The following FHIT variants were observed in gnomAD, a reference collection of about 807,000 sequenced individuals.
FHIT encodes bis(5'-adenosyl)-triphosphatase.
FHIT carries 19 observed loss-of-function variants against 17.9 expected under a neutral mutation model. That is an observed-to-expected ratio of 1.06 (90% confidence interval 0.74 to 1.56). The LOEUF is 1.56. Ranked by LOEUF, FHIT falls within the 40% of genes most tolerant of loss-of-function variation. The probability of loss-of-function intolerance (pLI) is 0.00; values close to 1 mark genes in which losing one functional copy is unlikely to be tolerated. For synonymous variants in FHIT, 81 were observed against 69.7 expected, an observed-to-expected ratio of 1.16 and a Z score of -0.81; for missense variants, 248 against 189.2, an observed-to-expected ratio of 1.31 and a Z score of -1.82.
chr3:60,680,245 T>G (rs1291458715), intron 4 of FHIT, among the ~76,000 whole-genome samples: 2 of 152,190 alleles, frequency 1.3e-5, no homozygotes, highest in African/African-American at 2.4e-5. Context: ...TTTTGACAAT[T>G]GGATAGATGT....
At chr3:60,520,907 A>C (rs763127098) in intron 5 of FHIT, among the ~76,000 whole-genome samples, 6 of 152,166 alleles carry the variant, frequency 3.9e-5, no homozygotes, top group Non-Finnish European at 8.8e-5. Context: ...CAGTAGAAAT[A>C]ATAAAGGTGA....
chr3:59,801,939 CT>C (rs1372548308), intron 8 of FHIT, among the ~76,000 whole-genome samples: 1 of 152,218 alleles, frequency 6.6e-6, no homozygotes, highest in African/African-American at 2.4e-5. Context: ...AATGTTCACA[CT>C]CTCTCATTTA....
chr3:60,456,011 C>T (rs1329400780), intron 5 of FHIT, among the ~76,000 whole-genome samples: 1 of 152,092 alleles, frequency 6.6e-6, no homozygotes, highest in Non-Finnish European at 1.5e-5. Context: ...TTAACTAGCC[C>T]ATTAATCCAA....
chr3:60,245,491 TA>T (rs1394068568), intron 5 of FHIT, among the ~76,000 whole-genome samples: 2 of 152,074 alleles, frequency 1.3e-5, no homozygotes, highest in Non-Finnish European at 2.9e-5. Flanking sequence ...AATAAGCTCA[TA>T]AAGTTAATCA....
chr3:59,785,870 T>C (rs1195568661), intron 8 of FHIT, among the ~76,000 whole-genome samples: 5 of 152,254 alleles, frequency 3.3e-5, no homozygotes, highest in Admixed American at 1.3e-4. Context: ...ATGCAATCTT[T>C]GGAGTTTGAT....
intron 5 of FHIT, among the ~76,000 whole-genome samples, chr3:60,535,042 G>A (rs1222735912): frequency 6.6e-6 from 1 of 152,108 alleles, no homozygotes; most frequent in Non-Finnish European, 1.5e-5. Flanking sequence ...TGGCCAACAT[G>A]GCAAAACCCC....
intron 3 of FHIT, among the ~76,000 whole-genome samples, chr3:60,959,785 T>C (rs896671313): frequency 6.7e-6 from 1 of 150,320 alleles, no homozygotes; most frequent in Non-Finnish European, 1.5e-5. Flanking sequence ...GATGGGAGAA[T>C]CAGGAGAGGC....
intron 4 of FHIT, among the ~76,000 whole-genome samples, chr3:60,727,379 G>C (rs1012017470): frequency 5.9e-5 from 9 of 152,066 alleles, no homozygotes; most frequent in African/African-American, 1.9e-4. Flanking sequence ...TTTTAACTGA[G>C]ATAAACAAGA....
intron 2 of FHIT, among the ~76,000 whole-genome samples, chr3:61,134,276 C>A (rs1394823227): frequency 6.6e-6 from 1 of 152,056 alleles, no homozygotes; most frequent in Admixed American, 6.6e-5. Context: ...CAAGAGATCC[C>A]AAACTCCCAA....
chr3:60,420,901 C>G, intron 5 of FHIT, among the ~76,000 whole-genome samples: 1 of 152,104 alleles, frequency 6.6e-6, no homozygotes, highest in Non-Finnish European at 1.5e-5. Context: ...CATCTCTCCA[C>G]CCCACATCGT....
chr3:61,003,830 G>A (rs1232648299), intron 3 of FHIT, among the ~76,000 whole-genome samples: 2 of 152,218 alleles, frequency 1.3e-5, no homozygotes, highest in Non-Finnish European at 2.9e-5. Flanking sequence ...TATAGCAGAT[G>A]CTAAAGAAGA....
intron 5 of FHIT, among the ~76,000 whole-genome samples, chr3:60,087,015 T>C (rs1436632745): frequency 1.3e-5 from 2 of 152,130 alleles, no homozygotes; most frequent in Admixed American, 1.3e-4. Context: ...TAAAATCCTC[T>C]GAAATCTATG....
intron 4 of FHIT, among the ~76,000 whole-genome samples, chr3:60,572,761 C>A (rs1390777487): frequency 6.6e-6 from 1 of 152,120 alleles, no homozygotes; most frequent in Non-Finnish European, 1.5e-5. Context: ...TTCATCACAT[C>A]ATTTCTTTTG....
At chr3:61,224,147 T>C (rs2039907564) in intron 1 of FHIT, among the ~76,000 whole-genome samples, 1 of 152,188 alleles carries the variant, frequency 6.6e-6, no homozygotes, top group South Asian at 2.1e-4. Flanking sequence ...GTAAGGTCAG[T>C]GAAAAACAAT....
rs116172235 is a variant in FHIT at position 59,977,439 on chromosome 3, C to T, written c.279+33932G>A. 7.3e-3 allele frequency among the ~76,000 whole-genome samples: 1,118 copies of T among 152,232 alleles called. 8 individuals carry two copies. Among genetic ancestry groups the T allele is most frequent in the South Asian group, 0.016 (75 of 4,828 alleles). On this transcript the variant is annotated intron_variant, in intron 7 of 9. Transcript: ENST00000492590. ...AAATAAATCCAGCCTGCCAAACCAG[C>T]ACTGATGTACAACCCTAGTAGAAGA... is the stretch of plus-strand genomic sequence containing the variant.
intron 4 of FHIT, among the ~76,000 whole-genome samples, chr3:60,753,153 T>A (rs1003594999): frequency 6.6e-6 from 1 of 152,192 alleles, no homozygotes; most frequent in African/African-American, 2.4e-5. Context: ...CACAGCATTG[T>A]CTTTTAAAGC....
intron 5 of FHIT, among the ~76,000 whole-genome samples, chr3:60,377,870 G>T (rs185955051): frequency 1.3e-5 from 2 of 152,098 alleles, no homozygotes; most frequent in African/African-American, 4.8e-5. Flanking sequence ...GTTTAGGGAG[G>T]GGGCACAAAG....
At chr3:60,934,892 T>G (rs1325687705) in intron 3 of FHIT, among the ~76,000 whole-genome samples, 1 of 152,168 alleles carries the variant, frequency 6.6e-6, no homozygotes, top group Admixed American at 6.5e-5. Flanking sequence ...AAATGCCAGA[T>G]GAGTAAACAT....
chr3:60,266,487 G>A (rs1426460053), intron 5 of FHIT, among the ~76,000 whole-genome samples: 1 of 152,040 alleles, frequency 6.6e-6, no homozygotes, highest in Non-Finnish European at 1.5e-5. Flanking sequence ...GGTGATAGTT[G>A]CACAATTCTG....
Sources: gnomAD v4.1 joint callset for allele counts (sites outside exome capture counted in the v4.1 genomes callset) on GRCh38, gnomAD v4.1.1 for gene constraint, MANE v1.5 for transcripts, NCBI Gene and HGNC (gene_info 2026-07-23, HGNC 2026-07-21) for gene names.